Variants in ATP1A2 observed in about 807,000 individuals in gnomAD.
ATP1A2 encodes the protein sodium/potassium-transporting ATPase subunit alpha-2.
In ATP1A2, 56 loss-of-function variants were observed where a neutral mutation model predicts 113.1. That is an observed-to-expected ratio of 0.49 (90% confidence interval 0.40 to 0.62). The LOEUF is 0.62. ATP1A2 is among the 20% of genes least tolerant of loss of function. The pLI, the probability that ATP1A2 is intolerant of heterozygous loss-of-function variation, is 0.00. For synonymous variants in ATP1A2, 490 were observed against 526.8 expected (o/e 0.93, Z 0.96); for missense variants, 712 against 1,357.8 (o/e 0.52, Z 7.47).
At chr1:160,123,536 G>A (rs777266469) in intron 4 of ATP1A2, 120 bp downstream of exon 4, 12 of 1,286,346 alleles carry the variant, frequency 9.3e-6, no homozygotes, top group Non-Finnish European at 1.2e-5. Context: ...AGATGCCCCT[G>A]CATCTTAGGC....
At chr1:160,129,796 C>T (rs1212849436) in intron 11 of ATP1A2, among the ~76,000 whole-genome samples, 1 of 152,134 alleles carries the variant, frequency 6.6e-6, no homozygotes, top group East Asian at 1.9e-4. Context: ...GGTAAAGCCC[C>T]CTGAGGCCAG....
rs143906805 is a variant in ATP1A2, at chr1:160,123,410, C to T, written c.375C>T (p.Asn125=). 33 of 1,614,016 alleles carry T rather than the reference C, an allele frequency of 2.0e-5. No individual in the cohort carries two copies. The highest frequency in any genetic ancestry group is 1.6e-4 in the South Asian group (15 of 91,088). The change falls in exon 4 of 23, where the codon AAC becomes AAT. Residue 125 remains asparagine (N), a synonymous_variant. Transcript: ENST00000361216. The part of the protein sequence containing the change: ...IQAAMEDEPS[N]DNLYLGVVLA... ...CTGCCATGGAGGATGAACCATCCAA[C>T]GACAATGTGAGCCCACACGCCCGAC...
chr1:160,124,183 G>A (rs1558003894), intron 5 of ATP1A2, 113 bp from the exon 6 acceptor site: 2 of 1,551,246 alleles, frequency 1.3e-6, no homozygotes, highest in Admixed American at 1.9e-5. Flanking sequence ...TTCCATGCCA[G>A]CACCTAATTG....
At chr1:160,122,431 A>AAG (rs1553244158) in intron 3 of ATP1A2, among the ~76,000 whole-genome samples, 1 of 151,964 alleles carries the variant, frequency 6.6e-6, no homozygotes, top group Admixed American at 6.6e-5. Context: ...AAAAAAAAAA[A>AAG]AAAAGAAACG....
intron 1 of ATP1A2, among the ~76,000 whole-genome samples, chr1:160,119,889 G>T (rs939648662): frequency 1.3e-5 from 2 of 151,668 alleles, no homozygotes; most frequent in African/African-American, 4.8e-5. Flanking sequence ...GAGCGTGGTG[G>T]TGCATGCTTG....
At chr1:160,132,357 G>A (rs915291085) in intron 13 of ATP1A2, among the ~76,000 whole-genome samples, 2 of 152,172 alleles carry the variant, frequency 1.3e-5, no homozygotes, top group Non-Finnish European at 2.9e-5. Context: ...AGTGTCACGG[G>A]GGAGGTTGAG....
At chr1:160,117,150 T>A (rs898533380) in intron 1 of ATP1A2, among the ~76,000 whole-genome samples, 1 of 152,164 alleles carries the variant, frequency 6.6e-6, no homozygotes, top group Non-Finnish European at 1.5e-5. Flanking sequence ...CCTTAGGAGC[T>A]GTGAGGTATG....
chr1:160,116,199 A>C (rs748378711), intron 1 of ATP1A2, among the ~76,000 whole-genome samples: 2 of 151,598 alleles, frequency 1.3e-5, no homozygotes, highest in Non-Finnish European at 2.9e-5. Context: ...CTCTCACTGC[A>C]TCTCCCGGCC....
rs1044831301 is a variant in ATP1A2 at position 160,136,676 on chromosome 1, G to C, written c.2670G>C (p.Arg890=). The C allele has an allele frequency of 2.5e-6, 4 of 1,614,246 alleles. No individual in the cohort carries two copies. Among genetic ancestry groups the C allele is most frequent in the Middle Eastern group, 3.3e-4 (2 of 6,062 alleles). Reference sequence around the variant, plus strand: ...GAATCCGCCTCGACTGGGATGACCGGACCATGAATGATCTGGAGGACAGCT... The same window carrying C: ...GAATCCGCCTCGACTGGGATGACCGCACCATGAATGATCTGGAGGACAGCT... ...LLGIRLDWDD[R]TMNDLEDSYG... is the part of the protein sequence containing the mutation. The change falls in exon 19 of 23, where the codon CGG becomes CGC. Residue 890 remains arginine, a synonymous_variant. Transcript: ENST00000361216.
intron 17 of ATP1A2, 124 bp from the exon 18 acceptor site, chr1:160,136,123 A>G: frequency 2.5e-6 from 4 of 1,599,192 alleles, no homozygotes; most frequent in Non-Finnish European, 3.4e-6. Flanking sequence ...CCTGGAAGAC[A>G]ATGGGGTCTG....
chr1:160,119,256 C>CAAAAAAAAAAAA lies in ATP1A2; in HGVS notation c.13-1634_13-1623dup, dbSNP rs386368465. Among the ~76,000 whole-genome samples, 73 of 49,434 alleles carry CAAAAAAAAAAAA rather than the reference C, an allele frequency of 1.5e-3. 25 individuals carry two copies. The highest frequency in any genetic ancestry group is 1.9e-3 in the Non-Finnish European group (59 of 30,680). 32.4% of individuals were successfully genotyped at this position (49,434 alleles called of 152,430 possible). ...AAACCCCCAAAACTGCATTATCCTG[C>CAAAAAAAAAAAA]AAAAAAAAAAAAAAAAAAAAAAAAA... On this transcript the variant is annotated intron_variant, in intron 1 of 22. Transcript: ENST00000361216.
chr1:160,129,197 G>A (rs1651689002), intron 10 of ATP1A2, 69 bp from the exon 11 acceptor site: 1 of 1,612,206 alleles, frequency 6.2e-7, no homozygotes, highest in South Asian at 1.1e-5. Context: ...GGGTTTCAGT[G>A]CCGCCTTCAC....
chr1:160,132,386 G>A (rs541770928), intron 13 of ATP1A2, among the ~76,000 whole-genome samples: 1 of 152,296 alleles, frequency 6.6e-6, no homozygotes, highest in Admixed American at 6.5e-5. Flanking sequence ...AGACTACCTG[G>A]TTTGAGGAGG....
At chr1:160,119,285 C>CAAAAAAAAAAAAAAAAAAAAAAAA (rs1251613969) in intron 1 of ATP1A2, among the ~76,000 whole-genome samples, 3 of 49,316 alleles carry the variant, frequency 6.1e-5, no homozygotes, top group Non-Finnish European at 4.0e-5. Flanking sequence ...AAAAAAAAAG[C>CAAAAAAAAAAAAAAAAAAAAAAAA]AAACACCTTG....
At position 160,121,913 on chromosome 1, in the gene ATP1A2, C is replaced by T. The variant is rs2101984449; in HGVS notation, c.177+662C>T. On this transcript the variant is annotated intron_variant, in intron 3 of 22. Transcript: ENST00000361216. ...TTGGGAGGCCAAGGCAGGCAGATCACTTAAGGTCAGCGGTTTGAGAGCAGC... is the reference window on the plus strand; with the variant it reads ...TTGGGAGGCCAAGGCAGGCAGATCATTTAAGGTCAGCGGTTTGAGAGCAGC... 1.3e-5 allele frequency among the ~76,000 whole-genome samples: 2 copies of T among 152,320 alleles called. 1 individual carries two copies. Among genetic ancestry groups the T allele is most frequent in the South Asian group, 4.1e-4 (2 of 4,826 alleles).
intron 8 of ATP1A2, 186 bp from the exon 9 acceptor site, chr1:160,128,466 T>C: frequency 6.6e-7 from 1 of 1,523,038 alleles, no homozygotes; most frequent in South Asian, 1.2e-5. Context: ...GGGCATTTCA[T>C]CTTAACAGAT....
At chr1:160,123,545 G>A in intron 4 of ATP1A2, 129 bp downstream of exon 4, 1 of 1,211,706 alleles carries the variant, frequency 8.3e-7, no homozygotes, top group South Asian at 1.3e-5. Flanking sequence ...TGCATCTTAG[G>A]CTGGAAAGGG....
intron 19 of ATP1A2, 32 bp downstream of exon 19, chr1:160,136,747 G>T: frequency 6.2e-7 from 1 of 1,614,192 alleles, no homozygotes; most frequent in East Asian, 2.2e-5. Context: ...CAGCGCACAT[G>T]TGTGAAGGTA....
chr1:160,127,814 T>C lies in ATP1A2; in HGVS notation c.1011T>C (p.Thr337=). ...VANVPEGLLA[T]VTVCLTLTAK... ...ACGTGCCTGAGGGGCTTCTGGCCACTGTCACTGTGAGTGGGTCAGGCTGAG... is the reference window on the plus strand; with the variant it reads ...ACGTGCCTGAGGGGCTTCTGGCCACCGTCACTGTGAGTGGGTCAGGCTGAG... The change falls in exon 8 of 23, where the codon ACT becomes ACC. Residue 337 remains threonine (T), a synonymous_variant. Transcript: ENST00000361216. 3 of 1,600,380 alleles carry C rather than the reference T, an allele frequency of 1.9e-6. No individual in the cohort carries two copies. Among genetic ancestry groups the C allele is most frequent in the Non-Finnish European group, 2.6e-6 (3 of 1,172,176 alleles).
Sources: gnomAD v4.1 joint callset for allele counts (sites outside exome capture counted in the v4.1 genomes callset) on GRCh38, gnomAD v4.1.1 for gene constraint, MANE v1.5 for transcripts, NCBI Gene and HGNC (gene_info 2026-07-23, HGNC 2026-07-21) for gene names.